RBFOX1: variants seen among roughly 807,000 people sequenced by gnomAD.
RBFOX1 encodes RNA binding fox-1 homolog 1, also known as RNA binding protein fox-1 homolog 1.
RBFOX1 carries 8 observed loss-of-function variants against 57.7 expected under a neutral mutation model. That is an observed-to-expected ratio of 0.14 (90% CI 0.08 to 0.25). The LOEUF (loss-of-function observed/expected upper bound fraction) is 0.25. Ranked by LOEUF, RBFOX1 falls within the 10% of genes least tolerant of loss-of-function variation. RBFOX1 has a pLI of 1.00. For missense variants in RBFOX1, 611 were observed against 548.5 expected (o/e 1.11, Z -1.14); for synonymous variants, 326 against 222.4 (o/e 1.47, Z -4.15).
chr16:7,059,983 T>C (rs1036588374), intron 4 of RBFOX1, among the ~76,000 whole-genome samples: 1 of 152,200 alleles, frequency 6.6e-6, no homozygotes, highest in African/African-American at 2.4e-5. Flanking sequence ...GTGAGAAGAC[T>C]GTAAAATATT....
intron 4 of RBFOX1, among the ~76,000 whole-genome samples, chr16:7,239,082 G>T (rs1368752313): frequency 6.6e-6 from 1 of 152,144 alleles, no homozygotes; most frequent in Admixed American, 6.5e-5. Context: ...TTGCTATTGT[G>T]AATAGTGCTG....
chr16:5,736,704 C>G (rs533372844), intron 3 of RBFOX1, among the ~76,000 whole-genome samples: 1 of 152,288 alleles, frequency 6.6e-6, no homozygotes, highest in South Asian at 2.1e-4. Context: ...CTGTCTCTAT[C>G]TGTGCCTCTC....
At chr16:7,567,043 C>G (rs1356433453) in intron 5 of RBFOX1, among the ~76,000 whole-genome samples, 1 of 151,500 alleles carries the variant, frequency 6.6e-6, no homozygotes, top group East Asian at 1.9e-4. Flanking sequence ...GCTAATGGAA[C>G]TGACTGCCTG....
intron 2 of RBFOX1, among the ~76,000 whole-genome samples, chr16:5,552,560 C>G (rs1448784820): frequency 2.0e-5 from 3 of 152,186 alleles, no homozygotes; most frequent in Admixed American, 6.5e-5. Context: ...TGGCTTTTCT[C>G]TCCACCCACA....
intron 4 of RBFOX1, among the ~76,000 whole-genome samples, chr16:5,879,455 A>C (rs2057706561): frequency 6.6e-6 from 1 of 152,124 alleles, no homozygotes; most frequent in Non-Finnish European, 1.5e-5. Flanking sequence ...TCAGGCTCCT[A>C]GGTAACCGGG....
chr16:6,810,702 G>A (rs2088298675), intron 3 of RBFOX1, among the ~76,000 whole-genome samples: 1 of 152,094 alleles, frequency 6.6e-6, no homozygotes. Flanking sequence ...CAATCACGGT[G>A]GAAGGCAAAA....
chr16:5,672,005 C>T (rs1020629213), intron 3 of RBFOX1, among the ~76,000 whole-genome samples: 1 of 152,076 alleles, frequency 6.6e-6, no homozygotes, highest in African/African-American at 2.4e-5. Flanking sequence ...TCAGGTAACC[C>T]AGTTAAATGG....
At chr16:6,725,440 C>G (rs2160036) in intron 3 of RBFOX1, among the ~76,000 whole-genome samples, 2 of 152,074 alleles carry the variant, frequency 1.3e-5, no homozygotes, top group African/African-American at 4.8e-5. Flanking sequence ...TCCTGTGACT[C>G]ACAATCCCCA....
intron 2 of RBFOX1, among the ~76,000 whole-genome samples, chr16:6,649,406 G>A (rs779085591): frequency 5.9e-5 from 9 of 152,160 alleles, no homozygotes; most frequent in Non-Finnish European, 1.0e-4. Flanking sequence ...AACAGGTGGT[G>A]TTTGATTACA....
chr16:6,559,725 C>G (rs566600607), intron 2 of RBFOX1, among the ~76,000 whole-genome samples: 2 of 152,112 alleles, frequency 1.3e-5, no homozygotes, highest in African/African-American at 4.8e-5. Context: ...CTGTGTGTGT[C>G]TATATATCTA....
intron 3 of RBFOX1, among the ~76,000 whole-genome samples, chr16:6,739,969 C>G (rs1053890946): frequency 1.3e-5 from 2 of 152,080 alleles, no homozygotes; most frequent in Non-Finnish European, 2.9e-5. Context: ...ACAAAAGAAA[C>G]AAGAAAACTG....
At chr16:5,377,999 A>G (rs2066030959) in intron 1 of RBFOX1, among the ~76,000 whole-genome samples, 1 of 151,526 alleles carries the variant, frequency 6.6e-6, no homozygotes, top group Admixed American at 6.6e-5. Context: ...TTTAAAGCAC[A>G]ATGACCTTTT....
chr16:6,230,563 T>G lies in RBFOX1; in HGVS notation c.-126-86432T>G, dbSNP rs573003552. On this transcript the variant is annotated intron_variant, in intron 1 of 15. Transcript: ENST00000550418. ...AACCACCATTTATTCAACTCACAAT[T>G]CCGTGGGTCAACAGTTTGGACTAGG... 1.8e-4 allele frequency among the ~76,000 whole-genome samples: 27 copies of G among 152,228 alleles called. No individual in the cohort carries two copies. In the East Asian group the frequency reaches 4.8e-3, roughly 27 times the overall value.
At chr16:6,591,307 T>C (rs2097707291) in intron 2 of RBFOX1, among the ~76,000 whole-genome samples, 1 of 152,082 alleles carries the variant, frequency 6.6e-6, no homozygotes, top group South Asian at 2.1e-4. Flanking sequence ...TTTTAAGTAT[T>C]AGCCGGTGCA....
At chr16:5,598,973 C>A in exon 3 of RBFOX1, 1 of 1,523,118 alleles carries the variant, frequency 6.6e-7, no homozygotes, top group Non-Finnish European at 8.8e-7. Flanking sequence ...TAAGTAGAAG[C>A]ATTTTGCTGA....
chr16:7,096,864 G>A (rs1355968744), intron 4 of RBFOX1, among the ~76,000 whole-genome samples: 5 of 149,024 alleles, frequency 3.4e-5, no homozygotes, highest in Admixed American at 6.7e-5. Context: ...CCCGGGAGGC[G>A]GAGGTTGCAG....
At chr16:5,440,906 G>C (rs887812943) in intron 1 of RBFOX1, among the ~76,000 whole-genome samples, 13 of 152,132 alleles carry the variant, frequency 8.5e-5, no homozygotes, top group African/African-American at 3.1e-4. Flanking sequence ...ATTTTCGAAA[G>C]GTCACGCACC....
At chr16:6,833,182 C>G (rs1346101357) in intron 3 of RBFOX1, among the ~76,000 whole-genome samples, 1 of 150,740 alleles carries the variant, frequency 6.6e-6, no homozygotes, top group African/African-American at 2.4e-5. Context: ...TATTTATTTA[C>G]TGAGACGGGG....
At chr16:6,094,969 A>T (rs1597253075) in intron 1 of RBFOX1, among the ~76,000 whole-genome samples, 1 of 152,324 alleles carries the variant, frequency 6.6e-6, no homozygotes, top group Non-Finnish European at 1.5e-5. Flanking sequence ...CTGAGGCAGG[A>T]GAATCGCTGG....
Sources: allele counts gnomAD v4.1 joint callset (sites outside exome capture counted in the v4.1 genomes callset), GRCh38; gene constraint gnomAD v4.1.1; transcripts MANE v1.5; gene names NCBI Gene and HGNC (gene_info 2026-07-23, HGNC 2026-07-21).